Variants in IDI2 observed in about 807,000 individuals in gnomAD.
IDI2 encodes isopentenyl-diphosphate delta isomerase 2, also known as isopentenyl-diphosphate delta-isomerase 2.
A neutral mutation model predicts 14.8 loss-of-function variants in IDI2; 18 were observed. The observed-to-expected ratio is 1.22, with a 90% CI of 0.84 to 1.80. IDI2 has a LOEUF of 1.80. IDI2 is among the 40% of genes most tolerant of loss of function. The probability of loss-of-function intolerance (pLI) is 0.00; values close to 1 mark genes in which losing one functional copy is unlikely to be tolerated. For missense variants in IDI2, 316 were observed against 283.2 expected, an observed-to-expected ratio of 1.12 and a Z score of -0.83; for synonymous variants, 133 against 109.6, an observed-to-expected ratio of 1.21 and a Z score of -1.33.
chr10:1,022,014 C>T (rs148588504), intron 3 of IDI2, among the ~76,000 whole-genome samples: 7 of 152,246 alleles, frequency 4.6e-5, no homozygotes, highest in African/African-American at 1.7e-4. Flanking sequence ...AATCCCAGCA[C>T]TTTGGAAGGC....
intron 4 of IDI2, among the ~76,000 whole-genome samples, chr10:1,020,254 C>T (rs555757867): frequency 1.9e-4 from 28 of 150,116 alleles, no homozygotes; most frequent in East Asian, 5.9e-4. Flanking sequence ...GATGGAGTCT[C>T]GCTCTGTCGC....
At chr10:1,024,362 T>C (rs1326166541) in intron 2 of IDI2, among the ~76,000 whole-genome samples, 1 of 152,158 alleles carries the variant, frequency 6.6e-6, no homozygotes, top group African/African-American at 2.4e-5. Flanking sequence ...AGAGCACGGA[T>C]GCCTAGGAGA....
intron 4 of IDI2, 112 bp downstream of exon 4, chr10:1,020,655 C>T (rs983509406): frequency 2.7e-6 from 3 of 1,115,432 alleles, no homozygotes; most frequent in African/African-American, 3.1e-5. Flanking sequence ...CCTTCATCCT[C>T]ATGGTGCTTC....
chr10:1,022,042 G>A (rs1012811802), intron 3 of IDI2, among the ~76,000 whole-genome samples: 8 of 152,290 alleles, frequency 5.3e-5, no homozygotes, highest in South Asian at 2.1e-4. Context: ...GGCATATCAC[G>A]AGGTCAGGAG....
At chr10:1,020,987 A>G (rs1832086349) in intron 3 of IDI2, 90 bp from the exon 4 acceptor site, 1 of 1,405,376 alleles carries the variant, frequency 7.1e-7, no homozygotes, top group South Asian at 1.4e-5. Context: ...TAAAACCATC[A>G]TCCGTCATCA....
chr10:1,022,607 G>A, intron 3 of IDI2, 76 bp downstream of exon 3: 3 of 1,129,312 alleles, frequency 2.7e-6, no homozygotes, highest in South Asian at 1.2e-5. Context: ...GCACCAGAGA[G>A]TTCCTGTCCC....
chr10:1,019,506 C>A lies in IDI2; in HGVS notation c.*11G>T. ...GGGCATTACACATGGCTGACTCGACCTCCCTGCCTCTCACACTCTGTGTAT... is the reference window on the plus strand; with the variant it reads ...GGGCATTACACATGGCTGACTCGACATCCCTGCCTCTCACACTCTGTGTAT... On this transcript the variant is annotated 3_prime_UTR_variant, in exon 5 of 5. Transcript: ENST00000277517. The A allele has an allele frequency of 3.1e-6, 5 of 1,604,344 alleles. No homozygotes were observed. Among genetic ancestry groups the A allele is most frequent in the Admixed American group, 1.7e-5 (1 of 59,614 alleles).
Position 1,019,387 on chromosome 10 carries a change from G to A in IDI2, c.*130C>T, listed in dbSNP as rs149879492. 2.6e-3 allele frequency: 1,635 copies of A among 621,316 alleles called. 3 individuals carry two copies. Among genetic ancestry groups the A allele is most frequent in the Non-Finnish European group, 3.8e-3 (1,369 of 363,678 alleles). The allele number at this position is 621,316 out of a possible 1,614,324, so 38.5% of individuals were successfully genotyped here. ...CAAAGTTGATGAAAAGGTTGAAATA[G>A]TGATTTATACATGATGGGCAATCAA... On this transcript the variant is annotated 3_prime_UTR_variant, in exon 5 of 5. Coordinates refer to ENST00000277517, the MANE Select transcript of IDI2 (RefSeq NM_033261.3).
chr10:1,019,621 T>A lies in IDI2; in HGVS notation c.580A>T (p.Thr194Ser). Residue 194 changes from threonine (T) to serine (S), a missense_variant, in exon 5 of 5, where the codon ACC (threonine) becomes TCC (serine). Coordinates refer to ENST00000277517, the MANE Select transcript of IDI2 (RefSeq NM_033261.3). ...TCGGCAATGGTTCTTAGCCAGGGGG[T>A]GACTTTGACTTCACCCCTCGCCTCC... ...EREARGEVKV[T>S]PWLRTIAERF... 6.2e-7 allele frequency: 1 copy of A among 1,613,492 alleles called. No homozygotes were observed. Among genetic ancestry groups the A allele is most frequent in the Non-Finnish European group, 8.5e-7 (1 of 1,179,856 alleles).
At chr10:1,023,643 C>A (rs1164203802) in intron 2 of IDI2, among the ~76,000 whole-genome samples, 2 of 152,150 alleles carry the variant, frequency 1.3e-5, no homozygotes, top group Non-Finnish European at 2.9e-5. Flanking sequence ...GCAGAAAACA[C>A]AATGCTAGAC....
At chr10:1,021,237 G>C (rs190567710) in intron 3 of IDI2, among the ~76,000 whole-genome samples, 1 of 152,230 alleles carries the variant, frequency 6.6e-6, no homozygotes, top group South Asian at 2.1e-4. Context: ...CAGAGGACCT[G>C]AGATGCCATG....
At chr10:1,023,337 G>C (rs1465521376) in intron 2 of IDI2, among the ~76,000 whole-genome samples, 1 of 152,030 alleles carries the variant, frequency 6.6e-6, no homozygotes, top group Non-Finnish European at 1.5e-5. Flanking sequence ...TTAGCTGGGC[G>C]TGGTGGCAGG....
In IDI2 at chr10:1,022,738, G is replaced by GT. The variant is rs1368391192; in HGVS notation, c.179dup (p.Asn60LysfsTer27). 6.2e-7 allele frequency: 1 copy of GT among 1,614,160 alleles called. No homozygotes were observed. The highest frequency in any genetic ancestry group is 8.5e-7 in the Non-Finnish European group (1 of 1,179,984). On this transcript the variant is annotated frameshift_variant, in exon 3 of 5. Transcript: ENST00000277517. LOFTEE classifies it high-confidence loss of function. ...GCTGTATCAGGATTCGATTCTTGGT[G>GT]TTAAACAAGACAACGCTGAAGGCTC...
Position 1,020,733 on chromosome 10 carries a change from C to T in IDI2, c.366+34G>A, listed in dbSNP as rs201454772. The T allele has an allele frequency of 9.4e-5, 149 of 1,583,918 alleles. No homozygotes were observed. The Admixed American group carries it at 1.7e-3, about 18-fold the overall frequency. The stretch of plus-strand genomic sequence containing the variant: ...TCTGCCCGCTGCCAACCTGGACTCC[C>T]GTGGACACAGCTGAGACTGGATGCT... On this transcript the variant is annotated intron_variant, in intron 4 of 4. Coordinates refer to ENST00000277517, the MANE Select transcript of IDI2 (RefSeq NM_033261.3).
chr10:1,025,675 C>T (rs1236107169), intron 1 of IDI2, 141 bp downstream of exon 1: 4 of 152,150 alleles, frequency 2.6e-5, no homozygotes, highest in East Asian at 3.8e-4. Flanking sequence ...CAGCAATCTG[C>T]TCCTCCTCTT....
In IDI2 at chr10:1,022,728, G is replaced by C; in HGVS notation, c.190C>G (p.Arg64Gly). The change falls in exon 3 of 5, where the codon CGA becomes GGA. Residue 64 changes from arginine (R) to glycine (G), a missense_variant. Arg to Gly is a moderately radical substitution (Grantham distance 125). Coordinates refer to ENST00000277517, the MANE Select transcript of IDI2 (RefSeq NM_033261.3). The part of the protein sequence containing the change: ...FSVVLFNTKN[R>G]ILIQQRSDTK... The stretch of plus-strand genomic sequence containing the variant: ...TCCGACCTCTGCTGTATCAGGATTC[G>C]ATTCTTGGTGTTAAACAAGACAACG... The C allele has an allele frequency of 6.2e-7, 1 of 1,614,098 alleles. No individual in the cohort carries two copies. The highest frequency in any genetic ancestry group is 1.1e-5 in the South Asian group (1 of 91,080).
chr10:1,025,778 A>G (rs1331900984), intron 1 of IDI2, 38 bp downstream of exon 1: 3 of 152,192 alleles, frequency 2.0e-5, no homozygotes, highest in African/African-American at 7.2e-5. Context: ...TAGATCATAA[A>G]AGAAAGAATT....
intron 2 of IDI2, among the ~76,000 whole-genome samples, chr10:1,023,022 TAAAAG>T (rs1383574415): frequency 6.6e-6 from 1 of 152,024 alleles, no homozygotes; most frequent in Non-Finnish European, 1.5e-5. Context: ...ATATCCAAAA[TAAAAG>T]AGATCAGTCT....
chr10:1,019,135 C>A lies in IDI2; in HGVS notation c.*382G>T. 5.5e-6 allele frequency: 1 copy of A among 181,544 alleles called. No homozygotes were observed. The highest frequency in any genetic ancestry group is 1.2e-5 in the Non-Finnish European group (1 of 86,238). The allele number at this position is 181,544 out of a possible 1,614,324, so 11.2% of individuals were successfully genotyped here. A position where few individuals can be genotyped will look rare whatever the true frequency, so the allele number is the denominator to read the frequency against. ...CATGATACAGAGATCCCATCCTGAC[C>A]TTGGAGGCTTGGATAAAGCTGTGGG... On this transcript the variant is annotated 3_prime_UTR_variant, in exon 5 of 5. Transcript: ENST00000277517.
Sources: gnomAD v4.1 joint callset for allele counts (sites outside exome capture counted in the v4.1 genomes callset) on GRCh38, gnomAD v4.1.1 for gene constraint, MANE v1.5 for transcripts, NCBI Gene and HGNC (gene_info 2026-07-23, HGNC 2026-07-21) for gene names.